SLC24A2: variants seen among roughly 807,000 people sequenced by gnomAD.
SLC24A2 encodes the protein solute carrier family 24 member 2, also known as sodium/potassium/calcium exchanger 2.
A neutral mutation model predicts 62.0 loss-of-function variants in SLC24A2; 36 were observed. The observed-to-expected ratio is 0.58, with a 90% CI of 0.44 to 0.77. The LOEUF is 0.77. Among genes scored for constraint, SLC24A2 ranks in the 30% least tolerant of loss-of-function variants. SLC24A2 has a pLI of 0.00. For synonymous variants in SLC24A2, 358 were observed against 294.0 expected, an observed-to-expected ratio of 1.22 and a Z score of -2.23; for missense variants, 846 against 817.9, an observed-to-expected ratio of 1.03 and a Z score of -0.42.
the SLC24A2 span, among the ~76,000 whole-genome samples, chr9:20,031,753 T>C: frequency 6.6e-6 from 1 of 152,024 alleles, no homozygotes; most frequent in African/African-American, 2.4e-5. Flanking sequence ...TCAGCCCCAA[T>C]CCTGACTCTA....
the SLC24A2 span, among the ~76,000 whole-genome samples, chr9:20,016,785 C>G: frequency 1.3e-5 from 2 of 151,952 alleles, no homozygotes; most frequent in South Asian, 4.2e-4. Flanking sequence ...GGATACACTC[C>G]CAGCTGTGAA....
chr9:19,676,636 A>C (rs1819568776), intron 2 of SLC24A2, among the ~76,000 whole-genome samples: 1 of 152,180 alleles, frequency 6.6e-6, no homozygotes, highest in South Asian at 2.1e-4. Flanking sequence ...TAAGATAAAG[A>C]CTAGGGGAAG....
At chr9:19,781,269 C>T (rs1327660347) in intron 2 of SLC24A2, among the ~76,000 whole-genome samples, 1 of 151,960 alleles carries the variant, frequency 6.6e-6, no homozygotes, top group Non-Finnish European at 1.5e-5. Context: ...CCATTCTTTG[C>T]TAAAGTTAAG....
chr9:20,067,944 G>A, the SLC24A2 span, among the ~76,000 whole-genome samples: 11 of 151,758 alleles, frequency 7.2e-5, no homozygotes, highest in African/African-American at 1.9e-4. Context: ...TAAATTCTTT[G>A]AGAAATTTTC....
At position 19,516,339 on chromosome 9, in the gene SLC24A2, G is replaced by A. The variant is rs759333680; in HGVS notation, c.1800C>T (p.Ser600=). ...IHRFQPVAVS[S]NGLFCAIVLL... ...GGACGATGGCACAGAAAAGGCCATT[G>A]CTGCTGACAGCCACTGGCTGGAATC... Residue 600 remains serine, a synonymous_variant, in exon 11 of 11, where the codon AGC becomes AGT. Transcript: ENST00000341998. 6.2e-7 allele frequency: 1 copy of A among 1,614,182 alleles called. No individual in the cohort carries two copies. The highest frequency in any genetic ancestry group is 8.5e-7 in the Non-Finnish European group (1 of 1,180,006).
chr9:19,665,914 C>T (rs913411031), intron 2 of SLC24A2, among the ~76,000 whole-genome samples: 1 of 152,138 alleles, frequency 6.6e-6, no homozygotes, highest in Non-Finnish European at 1.5e-5. Flanking sequence ...CCACCTCGGC[C>T]TTCCAAAGTG....
At chr9:20,031,670 T>C in the SLC24A2 span, among the ~76,000 whole-genome samples, 2 of 152,054 alleles carry the variant, frequency 1.3e-5, no homozygotes, top group South Asian at 4.2e-4. Context: ...ACTACAAAAC[T>C]TGTTATAGAA....
chr9:20,275,092 G>A, the SLC24A2 span, among the ~76,000 whole-genome samples: 1 of 152,104 alleles, frequency 6.6e-6, no homozygotes, highest in Admixed American at 6.5e-5. Flanking sequence ...GATGAACACA[G>A]CCAGTAGGAT....
At chr9:19,942,954 C>A in the SLC24A2 span, among the ~76,000 whole-genome samples, 1 of 152,096 alleles carries the variant, frequency 6.6e-6, no homozygotes, top group Admixed American at 6.5e-5. Flanking sequence ...TCTAGAGAAA[C>A]CTAGAAATCT....
the SLC24A2 span, among the ~76,000 whole-genome samples, chr9:20,271,688 G>A: frequency 6.6e-6 from 1 of 152,032 alleles, no homozygotes; most frequent in Non-Finnish European, 1.5e-5. Context: ...TTTTTTTAAA[G>A]CATCTACAAG....
chr9:20,174,602 G>A, the SLC24A2 span, among the ~76,000 whole-genome samples: 1 of 152,028 alleles, frequency 6.6e-6, no homozygotes, highest in Non-Finnish European at 1.5e-5. Flanking sequence ...ATGAAAAAAT[G>A]CTCAACATCA....
the SLC24A2 span, chr9:19,928,515 T>G: frequency 1.3e-5 from 2 of 152,216 alleles, no homozygotes; most frequent in Admixed American, 1.3e-4. Flanking sequence ...TTTGTTCTTT[T>G]GCTCCCTGCT....
the SLC24A2 span, among the ~76,000 whole-genome samples, chr9:19,916,801 C>A: frequency 6.6e-6 from 1 of 151,724 alleles, no homozygotes; most frequent in East Asian, 1.9e-4. Flanking sequence ...AATAAACTTG[C>A]TTATATGTCT....
chr9:19,851,850 A>T, the SLC24A2 span, among the ~76,000 whole-genome samples: 1 of 152,182 alleles, frequency 6.6e-6, no homozygotes, highest in Non-Finnish European at 1.5e-5. Context: ...ATACCCAGTA[A>T]TGGAATTGCT....
the SLC24A2 span, among the ~76,000 whole-genome samples, chr9:20,050,240 CAAAA>C: frequency 1.7e-5 from 1 of 59,560 alleles, no homozygotes; most frequent in Non-Finnish European, 3.4e-5. Flanking sequence ...CCCGTCTCTA[CAAAA>C]AAAAAAAAAA....
rs1193617905 is a variant in SLC24A2, at chr9:19,516,103, G to A, written c.*50C>T. ...AAGAGGTCAAGGAGCCCAGAGCCCA[G>A]AGTGTGGAGGGACCATTCATGCTGC... On this transcript the variant is annotated 3_prime_UTR_variant, in exon 11 of 11. Coordinates refer to ENST00000341998, the MANE Select transcript of SLC24A2 (RefSeq NM_020344.4). 1 of 1,611,788 alleles carries A rather than the reference G, an allele frequency of 6.2e-7. No individual in the cohort carries two copies. The highest frequency in any genetic ancestry group is 8.5e-7 in the Non-Finnish European group (1 of 1,178,374).
chr9:19,771,369 T>C (rs1409735410), intron 2 of SLC24A2, among the ~76,000 whole-genome samples: 1 of 152,206 alleles, frequency 6.6e-6, no homozygotes, highest in African/African-American at 2.4e-5. Flanking sequence ...AAAACATATG[T>C]TTCCTAAGCC....
intron 8 of SLC24A2, among the ~76,000 whole-genome samples, 178 bp from the exon 9 acceptor site, chr9:19,528,316 T>C (rs1473142667): frequency 6.6e-6 from 1 of 152,152 alleles, no homozygotes; most frequent in Non-Finnish European, 1.5e-5. Flanking sequence ...AGATTCTCCC[T>C]TGGAGATGTG....
chr9:20,193,926 A>G, the SLC24A2 span, among the ~76,000 whole-genome samples: 2 of 152,184 alleles, frequency 1.3e-5, no homozygotes, highest in Non-Finnish European at 2.9e-5. Context: ...GACTTTCCCT[A>G]TCAGACTTTA....
Sources: allele counts gnomAD v4.1 joint callset (sites outside exome capture counted in the v4.1 genomes callset), GRCh38; gene constraint gnomAD v4.1.1; transcripts MANE v1.5; gene names NCBI Gene and HGNC (gene_info 2026-07-23, HGNC 2026-07-21).